VAMP1: variants seen among roughly 807,000 people sequenced by gnomAD.
The protein encoded by VAMP1 is vesicle-associated membrane protein 1.
Under a neutral mutation model 19.1 loss-of-function variants are expected in VAMP1, and 16 were observed. The observed-to-expected ratio is 0.84, with a 90% CI of 0.57 to 1.27. The LOEUF (loss-of-function observed/expected upper bound fraction) is 1.27. Among genes scored for constraint, VAMP1 ranks in the 50% most tolerant of loss-of-function variants. VAMP1 has a pLI of 0.00. For missense variants in VAMP1, 109 were observed against 145.4 expected, an observed-to-expected ratio of 0.75 and a Z score of 1.29; for synonymous variants, 37 against 50.2, an observed-to-expected ratio of 0.74 and a Z score of 1.11.
chr12:6,465,049 A>C (rs991059435), intron 3 of VAMP1, 108 bp from the exon 4 acceptor site: 16 of 1,533,884 alleles, frequency 1.0e-5, no homozygotes, highest in Non-Finnish European at 1.4e-5. Flanking sequence ...CAATGGAAAA[A>C]ACCACCCATC....
Position 6,463,316 on chromosome 12 carries a change from C to CAG in VAMP1, c.*1153_*1154insCT. On this transcript the variant is annotated 3_prime_UTR_variant, in exon 5 of 5. Coordinates refer to ENST00000396308, the MANE Select transcript of VAMP1 (RefSeq NM_014231.5). This position sits in a 1 kb window ranked among gnomAD's most constrained non-coding sequence, Gnocchi z 4.0. Reference sequence around the variant, plus strand: ...CAAGCACACCTGACACAGGCTGGCACGCCTCCCCCCAAGGTGGGGCTGGTG... The same window carrying CAG: ...CAAGCACACCTGACACAGGCTGGCACAGGCCTCCCCCCAAGGTGGGGCTGGTG... The CAG allele has an allele frequency of 8.4e-7, 1 of 1,195,470 alleles. No homozygotes were observed. 74.1% of individuals were successfully genotyped at this position (1,195,470 alleles called of 1,614,324 possible).
chr12:6,470,437 G>A, intron 1 of VAMP1, 93 bp downstream of exon 1: 1 of 1,579,598 alleles, frequency 6.3e-7, no homozygotes, highest in Non-Finnish European at 8.7e-7. Flanking sequence ...TGCTGCAGCT[G>A]CTGCATTGCG....
rs941539447 is a variant in VAMP1, at chr12:6,464,769, T to C, written c.340+121A>G. On this transcript the variant is annotated intron_variant, in intron 4 of 4. Coordinates refer to ENST00000396308, the MANE Select transcript of VAMP1 (RefSeq NM_014231.5). ...CGTCCCGAACCAGGTGACGATCCCA[T>C]AGCAGCGGTCTCCATACCTCAGTCA... 10 of 1,548,958 alleles carry C rather than the reference T, an allele frequency of 6.5e-6. No homozygotes were observed. In the African/African-American group the frequency reaches 9.6e-5, roughly 15 times the overall value.
In VAMP1 at chr12:6,463,856, C is replaced by A. The variant is rs1201306468; in HGVS notation, c.*614G>T. The A allele has an allele frequency of 4.0e-6, 5 of 1,255,858 alleles. No homozygotes were observed. In the Admixed American group the frequency reaches 1.3e-4, roughly 32 times the overall value. The allele number at this position is 1,255,858 out of a possible 1,614,324, so 77.8% of individuals were successfully genotyped here. A position where few individuals can be genotyped will look rare whatever the true frequency, so the allele number is the denominator to read the frequency against. On this transcript the variant is annotated 3_prime_UTR_variant, in exon 5 of 5. Coordinates refer to ENST00000396308, the MANE Select transcript of VAMP1 (RefSeq NM_014231.5). The surrounding 1 kb of genome is among the most constrained non-coding windows in gnomAD (Gnocchi z 4.0). ...GGAGAACAAAGTAAAGTTGTAAGATCCCCAAAGACACGGAAAATCCTGGAC... is the reference window on the plus strand; with the variant it reads ...GGAGAACAAAGTAAAGTTGTAAGATACCCAAAGACACGGAAAATCCTGGAC...
chr12:6,464,798 C>G, intron 4 of VAMP1, 92 bp downstream of exon 4: 1 of 1,596,596 alleles, frequency 6.3e-7, no homozygotes, highest in Non-Finnish European at 8.5e-7. Context: ...TCAGTCAGAG[C>G]AGCCCCACTC....
chr12:6,463,148 C>T lies in VAMP1; in HGVS notation c.*1322G>A. 1 of 1,457,406 alleles carries T rather than the reference C, an allele frequency of 6.9e-7. No homozygotes were observed. The highest frequency in any genetic ancestry group is 1.4e-5 in the South Asian group (1 of 70,778). The allele number at this position is 1,457,406 out of a possible 1,614,324, so 90.3% of individuals were successfully genotyped here. On this transcript the variant is annotated 3_prime_UTR_variant, in exon 5 of 5. Transcript: ENST00000396308. This position sits in a 1 kb window ranked among gnomAD's most constrained non-coding sequence, Gnocchi z 4.0. ...CCATCCTCAGGTTCCACTGTCTATA[C>T]ACACAAACCATGCAAAGAGGAGGAA...
In VAMP1 at chr12:6,462,986, G is replaced by A. The variant is rs935784685; in HGVS notation, c.*1484C>T. Reference sequence around the variant, plus strand: ...AGCCTCTTCCTGTTCGTGGACCGAGGGAAGAAGGAATAAAGGGCCATGGGC... The same window carrying A: ...AGCCTCTTCCTGTTCGTGGACCGAGAGAAGAAGGAATAAAGGGCCATGGGC... On this transcript the variant is annotated 3_prime_UTR_variant, in exon 5 of 5. Coordinates refer to ENST00000396308, the MANE Select transcript of VAMP1 (RefSeq NM_014231.5). 16 of 1,550,950 alleles carry A rather than the reference G, an allele frequency of 1.0e-5. No homozygotes were observed. Among genetic ancestry groups the A allele is most frequent in the African/African-American group, 1.4e-5 (1 of 73,044 alleles).
intron 1 of VAMP1, chr12:6,466,826 C>T (rs10849462): frequency 0.14 from 22,426 of 156,702 alleles, 2,075 homozygotes; most frequent in Non-Finnish European, 0.21. Context: ...GGCATTTCCC[C>T]GCTGATATGG....
intron 1 of VAMP1, chr12:6,466,561 C>T (rs1194584401): frequency 6.4e-6 from 3 of 469,810 alleles, no homozygotes; most frequent in Non-Finnish European, 7.5e-6. Flanking sequence ...ATCCTCACCC[C>T]AAACCACTTA....
At chr12:6,467,461 G>A (rs183170388) in intron 1 of VAMP1, among the ~76,000 whole-genome samples, 26 of 152,280 alleles carry the variant, frequency 1.7e-4, no homozygotes, top group Non-Finnish European at 3.1e-4. Flanking sequence ...TTATGTTTTG[G>A]CAAAAAGACT....
At position 6,463,077 on chromosome 12, in the gene VAMP1, C is replaced by T; in HGVS notation, c.*1393G>A. ...CCTGGGCTTATCCCACATTAATAGC[C>T]CATCCTGAAGCTCAGCAATTGCCCC... On this transcript the variant is annotated 3_prime_UTR_variant, in exon 5 of 5. Coordinates refer to ENST00000396308, the MANE Select transcript of VAMP1 (RefSeq NM_014231.5). The surrounding 1 kb of genome is among the most constrained non-coding windows in gnomAD (Gnocchi z 4.0). 1 of 1,533,424 alleles carries T rather than the reference C, an allele frequency of 6.5e-7. No homozygotes were observed. Among genetic ancestry groups the T allele is most frequent in the East Asian group, 2.4e-5 (1 of 40,850 alleles). The allele number at this position is 1,533,424 out of a possible 1,614,324, so 95.0% of individuals were successfully genotyped here. A position where few individuals can be genotyped will look rare whatever the true frequency, so the allele number is the denominator to read the frequency against.
At chr12:6,468,998 T>C (rs907389577) in intron 1 of VAMP1, among the ~76,000 whole-genome samples, 1 of 152,168 alleles carries the variant, frequency 6.6e-6, no homozygotes, top group African/African-American at 2.4e-5. Context: ...CTAATTACAA[T>C]AGAACTAATA....
At chr12:6,469,058 G>T (rs1945702917) in intron 1 of VAMP1, among the ~76,000 whole-genome samples, 1 of 152,160 alleles carries the variant, frequency 6.6e-6, no homozygotes, top group Non-Finnish European at 1.5e-5. Flanking sequence ...AGTCTAAAAA[G>T]ATAGAGAATA....
At position 6,466,480 on chromosome 12, in the gene VAMP1, C is replaced by T. The variant is rs189904623; in HGVS notation, c.3-129G>A. 123 of 995,634 alleles carry T rather than the reference C, an allele frequency of 1.2e-4. 1 individual carries two copies. In the East Asian group the frequency reaches 2.7e-3, roughly 22 times the overall value. The allele number at this position is 995,634 out of a possible 1,614,324, so 61.7% of individuals were successfully genotyped here. On this transcript the variant is annotated intron_variant, in intron 1 of 4. Transcript: ENST00000396308. ...GGAGGAGCGCTTGAGCCCAGGAGTTCGAGGCCAGCCTGGGCATCATAGCGA... is the reference window on the plus strand; with the variant it reads ...GGAGGAGCGCTTGAGCCCAGGAGTTTGAGGCCAGCCTGGGCATCATAGCGA...
chr12:6,467,348 T>G (rs1592150127), intron 1 of VAMP1, among the ~76,000 whole-genome samples: 1 of 152,248 alleles, frequency 6.6e-6, no homozygotes, highest in East Asian at 1.9e-4. Flanking sequence ...TTGAATGGCT[T>G]TGACAAAAAT....
chr12:6,463,210 G>A lies in VAMP1; in HGVS notation c.*1260C>T. On this transcript the variant is annotated 3_prime_UTR_variant, in exon 5 of 5. Transcript: ENST00000396308. This position sits in a 1 kb window ranked among gnomAD's most constrained non-coding sequence, Gnocchi z 4.0. ...CAAAGTAGAATTCAGACAGGAAAGG[G>A]TGGTTCAAAGGGGAATATACTACAG... 1 of 1,431,280 alleles carries A rather than the reference G, an allele frequency of 7.0e-7. No individual in the cohort carries two copies. The highest frequency in any genetic ancestry group is 9.1e-7 in the Non-Finnish European group (1 of 1,097,170). The allele number at this position is 1,431,280 out of a possible 1,614,324, so 88.7% of individuals were successfully genotyped here. A position where few individuals can be genotyped will look rare whatever the true frequency, so the allele number is the denominator to read the frequency against.
intron 4 of VAMP1, 174 bp downstream of exon 4, chr12:6,464,716 A>G (rs771249067): frequency 3.7e-4 from 564 of 1,510,600 alleles, no homozygotes; most frequent in Non-Finnish European, 4.8e-4. Context: ...TTGTCCATCA[A>G]AGAAATCCCT....
Position 6,463,711 on chromosome 12 carries a change from G to A in VAMP1, c.*759C>T. 8.8e-7 allele frequency: 1 copy of A among 1,142,758 alleles called. No homozygotes were observed. The highest frequency in any genetic ancestry group is 1.1e-6 in the Non-Finnish European group (1 of 920,114). 70.8% of individuals were successfully genotyped at this position (1,142,758 alleles called of 1,614,324 possible). ...TGGATTTATTTGGTGCCCTCATACA[G>A]AATGCTGTAGAAAATGTAAAGAAGA... On this transcript the variant is annotated 3_prime_UTR_variant, in exon 5 of 5. Transcript: ENST00000396308. The surrounding 1 kb of genome is among the most constrained non-coding windows in gnomAD (Gnocchi z 4.0).
chr12:6,467,071 C>A, intron 1 of VAMP1: 1 of 176,882 alleles, frequency 5.7e-6, no homozygotes, highest in South Asian at 1.3e-4. Flanking sequence ...CACCTGCCGC[C>A]ATGATTCTGA....
Sources: gnomAD v4.1 joint callset for allele counts (sites outside exome capture counted in the v4.1 genomes callset) on GRCh38, gnomAD v4.1.1 for gene constraint, Gnocchi (gnomAD v3.1) non-coding constraint, MANE v1.5 for transcripts, NCBI Gene and HGNC (gene_info 2026-07-23, HGNC 2026-07-21) for gene names.